UBR1: variants seen among roughly 807,000 people sequenced by gnomAD.
The protein encoded by UBR1 is ubiquitin protein ligase E3 component n-recognin 1.
UBR1 carries 102 observed loss-of-function variants against 242.1 expected under a neutral mutation model. That is an observed-to-expected ratio of 0.42 (90% CI 0.36 to 0.50). The LOEUF is 0.50. UBR1 is among the 20% of genes least tolerant of loss of function. UBR1 has a pLI of 0.01. For synonymous variants in UBR1, 675 were observed against 684.8 expected (o/e 0.99, Z 0.22); for missense variants, 1,772 against 2,101.8 (o/e 0.84, Z 3.07).
chr15:43,063,448 G>T (rs751328242), intron 6 of UBR1, among the ~76,000 whole-genome samples: 1 of 152,052 alleles, frequency 6.6e-6, no homozygotes, highest in Non-Finnish European at 1.5e-5. Context: ...AATATATCTT[G>T]ATATCTACCA....
chr15:43,033,686 T>C (rs897012678), intron 19 of UBR1, among the ~76,000 whole-genome samples: 3 of 152,138 alleles, frequency 2.0e-5, no homozygotes, highest in Non-Finnish European at 2.9e-5. Context: ...TATTTATTTA[T>C]TATTTTTCCA....
At chr15:43,050,488 T>C (rs911885357) in intron 12 of UBR1, among the ~76,000 whole-genome samples, 3 of 152,092 alleles carry the variant, frequency 2.0e-5, no homozygotes, top group Non-Finnish European at 4.4e-5. Flanking sequence ...GGTGGGCAGA[T>C]TGCCTGAGCT....
chr15:43,074,474 G>A (rs1353559032), intron 4 of UBR1, among the ~76,000 whole-genome samples: 1 of 152,104 alleles, frequency 6.6e-6, no homozygotes, highest in African/African-American at 2.4e-5. Flanking sequence ...TGTCGCCCAG[G>A]ATGGAGTGCA....
intron 44 of UBR1, among the ~76,000 whole-genome samples, chr15:42,953,290 C>A (rs564491314): frequency 2.0e-5 from 3 of 152,178 alleles, no homozygotes; most frequent in Non-Finnish European, 4.4e-5. Flanking sequence ...ATGCTGTACA[C>A]TGAACACAAT....
At chr15:43,078,761 G>A (rs2033937555) in intron 3 of UBR1, among the ~76,000 whole-genome samples, 1 of 152,102 alleles carries the variant, frequency 6.6e-6, no homozygotes, top group Non-Finnish European at 1.5e-5. Flanking sequence ...TAAAGGCCAA[G>A]AGTTTGAGAT....
At chr15:43,081,417 C>CAAA (rs71108197) in intron 3 of UBR1, among the ~76,000 whole-genome samples, 10 of 69,696 alleles carry the variant, frequency 1.4e-4, no homozygotes, top group Non-Finnish European at 2.4e-4. Flanking sequence ...CACCCCATCT[C>CAAA]AAAAAAAAAA....
At chr15:43,071,512 T>C (rs1479724819) in intron 4 of UBR1, among the ~76,000 whole-genome samples, 1 of 152,158 alleles carries the variant, frequency 6.6e-6, no homozygotes, top group Non-Finnish European at 1.5e-5. Flanking sequence ...GATGAAAAAG[T>C]TCTTAAGATC....
At chr15:43,031,894 C>T (rs561573446) in intron 20 of UBR1, among the ~76,000 whole-genome samples, 29 of 152,190 alleles carry the variant, frequency 1.9e-4, no homozygotes, top group African/African-American at 6.3e-4. Context: ...ATTGGCCAGG[C>T]GTGGTGGCGC....
At chr15:43,040,568 G>A (rs1285767385) in intron 15 of UBR1, among the ~76,000 whole-genome samples, 8 of 152,172 alleles carry the variant, frequency 5.3e-5, no homozygotes, top group Non-Finnish European at 1.2e-4. Context: ...AACACCAAAA[G>A]CAATGGCAAC....
At chr15:42,985,072 T>G in intron 35 of UBR1, 130 bp from the exon 36 acceptor site, 1 of 813,410 alleles carries the variant, frequency 1.2e-6, no homozygotes, top group East Asian at 3.0e-5. Flanking sequence ...TTCAAAGTCT[T>G]GTGTTTTAAG....
chr15:42,946,924 G>T (rs972405018), intron 46 of UBR1, among the ~76,000 whole-genome samples: 1 of 152,178 alleles, frequency 6.6e-6, no homozygotes, highest in African/African-American at 2.4e-5. Context: ...AAGGTGGGCA[G>T]ATCAACTGAG....
chr15:43,102,713 A>C (rs976372398), intron 1 of UBR1, among the ~76,000 whole-genome samples: 5 of 151,714 alleles, frequency 3.3e-5, no homozygotes, highest in Non-Finnish European at 7.4e-5. Flanking sequence ...CCATCACACT[A>C]CTCTCACCTC....
chr15:42,988,783 C>G, intron 35 of UBR1, 36 bp downstream of exon 35: 1 of 1,613,886 alleles, frequency 6.2e-7, no homozygotes, highest in East Asian at 2.2e-5. Flanking sequence ...TTAATTCTCA[C>G]TGAAACCTCC....
intron 37 of UBR1, among the ~76,000 whole-genome samples, chr15:42,979,466 G>C (rs2141269162): frequency 6.6e-6 from 1 of 152,292 alleles, no homozygotes; most frequent in South Asian, 2.1e-4. Flanking sequence ...CTGGTCATGG[G>C]CAAGTGACAG....
Position 43,075,099 on chromosome 15 carries a change from G to GA in UBR1, c.418-11dup, listed in dbSNP as rs771574288. 2 of 1,592,902 alleles carry GA rather than the reference G, an allele frequency of 1.3e-6. No individual in the cohort carries two copies. ...CAGTAGAAGTATGCATCTGATAAAG[G>GA]AAAAATGAGTTTGTCTTGATTTCAA... On this transcript the variant is annotated splice_polypyrimidine_tract_variant and intron_variant, in intron 3 of 46. Coordinates refer to ENST00000290650, the MANE Select transcript of UBR1 (RefSeq NM_174916.3).
At chr15:43,100,144 G>A (rs2034213067) in intron 1 of UBR1, among the ~76,000 whole-genome samples, 2 of 152,096 alleles carry the variant, frequency 1.3e-5, no homozygotes, top group South Asian at 2.1e-4. Context: ...CAAAGTGCTG[G>A]GATTACAGGC....
intron 14 of UBR1, among the ~76,000 whole-genome samples, chr15:43,046,897 CAG>C: frequency 6.6e-6 from 1 of 152,110 alleles, no homozygotes; most frequent in South Asian, 2.1e-4. Context: ...ATGCATTTTC[CAG>C]GGAATAAACG....
chr15:43,074,911 C>T (rs573795681), intron 4 of UBR1, 68 bp downstream of exon 4: 32 of 1,279,074 alleles, frequency 2.5e-5, no homozygotes, highest in Admixed American at 1.5e-4. Flanking sequence ...ATACACATAA[C>T]ATTTATTCTT....
At chr15:42,969,686 C>T (rs905762038) in intron 40 of UBR1, among the ~76,000 whole-genome samples, 1 of 152,160 alleles carries the variant, frequency 6.6e-6, no homozygotes, top group African/African-American at 2.4e-5. Context: ...AAATCACAAG[C>T]ATCCCTATAC....
Sources: gnomAD v4.1 joint callset for allele counts (sites outside exome capture counted in the v4.1 genomes callset) on GRCh38, gnomAD v4.1.1 for gene constraint, MANE v1.5 for transcripts, NCBI Gene and HGNC (gene_info 2026-07-23, HGNC 2026-07-21) for gene names.